MYCBP2: variants seen among roughly 807,000 people sequenced by gnomAD.
MYCBP2 encodes the protein MYC binding protein 2, also known as E3 ubiquitin-protein ligase MYCBP2.
In MYCBP2, 120 loss-of-function variants were observed where a neutral mutation model predicts 525.3. The ratio of observed to expected loss-of-function variants is 0.23; its 90% CI spans 0.20 to 0.27. MYCBP2 has a LOEUF of 0.27. Ranked by LOEUF, MYCBP2 falls within the 10% of genes least tolerant of loss-of-function variation. The probability of loss-of-function intolerance (pLI) is 1.00; values close to 1 mark genes in which losing one functional copy is unlikely to be tolerated. For synonymous variants in MYCBP2, 1,894 were observed against 1,955.8 expected, an observed-to-expected ratio of 0.97 and a Z score of 0.83; for missense variants, 4,149 against 5,657.1, an observed-to-expected ratio of 0.73 and a Z score of 8.55.
intron 1 of MYCBP2, among the ~76,000 whole-genome samples, chr13:77,317,261 CTTT>C (rs1325280054): frequency 6.6e-6 from 1 of 152,102 alleles, no homozygotes; most frequent in African/African-American, 2.4e-5. Flanking sequence ...CTGGTGACTT[CTTT>C]ATTTAGAAAA....
chr13:77,198,415 G>A (rs1250581517), intron 26 of MYCBP2, among the ~76,000 whole-genome samples: 1 of 152,192 alleles, frequency 6.6e-6, no homozygotes. Flanking sequence ...GCATTATGAA[G>A]AAGAGTGTTA....
At chr13:77,299,441 T>TTTG (rs1488932485) in intron 1 of MYCBP2, among the ~76,000 whole-genome samples, 8 of 152,270 alleles carry the variant, frequency 5.3e-5, no homozygotes, top group Non-Finnish European at 1.2e-4. Context: ...TACTGTGTTT[T>TTTG]TTGTTGTTGT....
In MYCBP2 at chr13:77,233,048, G is replaced by C. The variant is rs1408327896; in HGVS notation, c.2737+108C>G. ...TTTCTCCTCAGGCTACATCATGATA[G>C]AAGCAAAGTAGAAGAATCAGGTTTG... On this transcript the variant is annotated intron_variant, in intron 18 of 82. Coordinates refer to ENST00000544440, the MANE Select transcript of MYCBP2 (RefSeq NM_015057.5). 3 of 905,434 alleles carry C rather than the reference G, an allele frequency of 3.3e-6. No homozygotes were observed. The Admixed American group carries it at 5.9e-5, about 18-fold the overall frequency. 56.1% of individuals were successfully genotyped at this position (905,434 alleles called of 1,614,324 possible). A position where few individuals can be genotyped will look rare whatever the true frequency, so the allele number is the denominator to read the frequency against.
chr13:77,197,970 T>C (rs1334379843), intron 26 of MYCBP2, among the ~76,000 whole-genome samples: 1 of 152,126 alleles, frequency 6.6e-6, no homozygotes, highest in Non-Finnish European at 1.5e-5. Context: ...TTCTATATAC[T>C]ACAGTGTTTG....
rs1555465562 is a variant in MYCBP2 at position 77,294,111 on chromosome 13, T to TATATATAC, written c.378+2487_378+2488insGTATATAT. Reference sequence around the variant, plus strand: ...ATAAAGTAGATATAATGGCTATATATATATATATATATATATATACATATA... The same window carrying TATATATAC: ...ATAAAGTAGATATAATGGCTATATATATATATACATATATATATATATATATACATATA... On this transcript the variant is annotated intron_variant, in intron 2 of 82. Coordinates refer to ENST00000544440, the MANE Select transcript of MYCBP2 (RefSeq NM_015057.5). Among the ~76,000 whole-genome samples, 10 of 54,470 alleles carry TATATATAC rather than the reference T, an allele frequency of 1.8e-4. 2 individuals carry two copies. The highest frequency in any genetic ancestry group is 4.8e-4 in the Non-Finnish European group (10 of 20,828). The allele number at this position is 54,470 out of a possible 152,430, so 35.7% of individuals were successfully genotyped here. A position where few individuals can be genotyped will look rare whatever the true frequency, so the allele number is the denominator to read the frequency against.
At chr13:77,212,470 C>A (rs958861376) in intron 21 of MYCBP2, among the ~76,000 whole-genome samples, 2 of 152,022 alleles carry the variant, frequency 1.3e-5, no homozygotes, top group African/African-American at 4.8e-5. Flanking sequence ...ATGAAAAGTA[C>A]GACAAATACA....
intron 1 of MYCBP2, among the ~76,000 whole-genome samples, chr13:77,319,142 T>C (rs1594893501): frequency 6.6e-6 from 1 of 152,104 alleles, no homozygotes; most frequent in East Asian, 1.9e-4. Context: ...GTACAGTCCC[T>C]TCCTCCCTTC....
At chr13:77,213,715 C>A (rs2064371391) in intron 21 of MYCBP2, among the ~76,000 whole-genome samples, 2 of 152,192 alleles carry the variant, frequency 1.3e-5, no homozygotes, top group African/African-American at 4.8e-5. Flanking sequence ...TAAAAGTTCA[C>A]AACTAGGACT....
chr13:77,233,412 C>T (rs569479024), intron 17 of MYCBP2, 149 bp from the exon 18 acceptor site: 2 of 582,822 alleles, frequency 3.4e-6, no homozygotes, highest in South Asian at 4.5e-5. Flanking sequence ...CCACTCCAGC[C>T]CCCCACCCCC....
At chr13:77,321,744 T>C (rs1184082141) in intron 1 of MYCBP2, among the ~76,000 whole-genome samples, 3 of 152,266 alleles carry the variant, frequency 2.0e-5, no homozygotes, top group African/African-American at 4.8e-5. Flanking sequence ...TTCTTGGTCA[T>C]TTCATTTAAC....
intron 45 of MYCBP2, among the ~76,000 whole-genome samples, chr13:77,157,652 A>C (rs2057373757): frequency 6.6e-6 from 1 of 152,134 alleles, no homozygotes; most frequent in African/African-American, 2.4e-5. Flanking sequence ...TGGGAGGCTG[A>C]GGCACAAGAA....
chr13:77,113,988 G>T (rs921087258), intron 55 of MYCBP2, among the ~76,000 whole-genome samples: 4 of 152,108 alleles, frequency 2.6e-5, no homozygotes, highest in Admixed American at 2.6e-4. Flanking sequence ...TAAATCAAGT[G>T]CTTCATCCAC....
chr13:77,098,339 T>G lies in MYCBP2; in HGVS notation c.8815A>C (p.Ser2939Arg). Reference sequence around the variant, plus strand: ...GTTAGACTATTTGTTTTTAAAGTACTTGAGGTGCAGACTTCGACCACCTCA... The same window carrying G: ...GTTAGACTATTTGTTTTTAAAGTACGTGAGGTGCAGACTTCGACCACCTCA... ...HSEVVEVCTS[S>R]TLKTNSLTDS... The change falls in exon 56 of 83, where the codon AGT becomes CGT. Residue 2939 changes from serine to arginine, a missense_variant. Ser to Arg is a moderately radical substitution (Grantham distance 110). Transcript: ENST00000544440. 2 of 1,612,190 alleles carry G rather than the reference T, an allele frequency of 1.2e-6. No individual in the cohort carries two copies. The highest frequency in any genetic ancestry group is 1.1e-5 in the South Asian group (1 of 91,076).
intron 18 of MYCBP2, among the ~76,000 whole-genome samples, chr13:77,232,663 GTA>G (rs2067292207): frequency 6.6e-6 from 1 of 152,030 alleles, no homozygotes; most frequent in African/African-American, 2.4e-5. Context: ...TCAAATATTT[GTA>G]TATTCATTTG....
At chr13:77,144,224 G>A in intron 49 of MYCBP2, 1 of 510,936 alleles carries the variant, frequency 2.0e-6, no homozygotes, top group East Asian at 3.4e-5. Flanking sequence ...TGGAGGGAGA[G>A]AGTCATGAGG....
intron 30 of MYCBP2, among the ~76,000 whole-genome samples, chr13:77,187,388 T>A: frequency 6.6e-6 from 1 of 152,224 alleles, no homozygotes; most frequent in East Asian, 1.9e-4. Flanking sequence ...ATGGCTCTTT[T>A]GGAAGGTCAA....
intron 26 of MYCBP2, among the ~76,000 whole-genome samples, chr13:77,199,481 G>T (rs984956150): frequency 4.6e-5 from 7 of 152,268 alleles, no homozygotes; most frequent in African/African-American, 1.7e-4. Context: ...GCCCGCCATT[G>T]CCCAGGCTTG....
At chr13:77,122,689 C>CAAAAAA (rs771487864) in intron 54 of MYCBP2, among the ~76,000 whole-genome samples, 1 of 52,386 alleles carries the variant, frequency 1.9e-5, no homozygotes. Flanking sequence ...GACTCCATCT[C>CAAAAAA]AAAAAAAAAA....
chr13:77,185,771 A>T, intron 31 of MYCBP2, 100 bp downstream of exon 31: 1 of 851,440 alleles, frequency 1.2e-6, no homozygotes, highest in Non-Finnish European at 1.7e-6. Flanking sequence ...AGCAGCTTAA[A>T]TGCAGCTGGG....
Sources: allele counts gnomAD v4.1 joint callset (sites outside exome capture counted in the v4.1 genomes callset), GRCh38; gene constraint gnomAD v4.1.1; transcripts MANE v1.5; gene names NCBI Gene and HGNC (gene_info 2026-07-23, HGNC 2026-07-21).